MYH8: variants seen among roughly 807,000 people sequenced by gnomAD.
MYH8 encodes the protein myosin-8.
Under a neutral mutation model 233.2 loss-of-function variants are expected in MYH8, and 168 were observed. That is an observed-to-expected ratio of 0.72 (90% confidence interval 0.64 to 0.82). MYH8 has a LOEUF of 0.82. Ranked by LOEUF, MYH8 falls within the 40% of genes least tolerant of loss-of-function variation. The pLI is 0.00. For synonymous variants in MYH8, 785 were observed against 850.6 expected (o/e 0.92, Z 1.34); for missense variants, 1,995 against 2,327.8 (o/e 0.86, Z 2.94).
Position 10,392,551 on chromosome 17 carries a change from G to C in MYH8, c.5559C>G (p.Leu1853=), listed in dbSNP as rs1161030016. The change falls in exon 38 of 40, where the codon CTC becomes CTG. Residue 1853 remains leucine, a synonymous_variant. Transcript: ENST00000403437. ...LRKHERRVKE[L]TYQTEEDRKN... ...AGGCTATTCCCTTTACCTGGTAGGT[G>C]AGTTCTTTTACTCGTCGCTCATGTT... 1 of 1,613,972 alleles carries C rather than the reference G, an allele frequency of 6.2e-7. No individual in the cohort carries two copies. Among genetic ancestry groups the C allele is most frequent in the Non-Finnish European group, 8.5e-7 (1 of 1,179,808 alleles).
rs1446632433 is a variant in MYH8 at position 10,398,429 on chromosome 17, G to A, written c.4178+15C>T. ...TGCTTCTGGGAGTTCCTCTTCTAGA[G>A]TTCACAGCACATACTTGGCCTCCTC... On this transcript the variant is annotated intron_variant, in intron 30 of 39. Coordinates refer to ENST00000403437, the MANE Select transcript of MYH8 (RefSeq NM_002472.3). 6.2e-7 allele frequency: 1 copy of A among 1,613,952 alleles called. No individual in the cohort carries two copies. Among genetic ancestry groups the A allele is most frequent in the Non-Finnish European group, 8.5e-7 (1 of 1,179,874 alleles).
Position 10,406,320 on chromosome 17 carries a change from G to A in MYH8, c.2249C>T (p.Ala750Val), listed in dbSNP as rs765353703. The A allele has an allele frequency of 5.0e-6, 8 of 1,613,620 alleles. No individual in the cohort carries two copies. Among genetic ancestry groups the A allele is most frequent in the Admixed American group, 1.7e-5 (1 of 60,000 alleles). ...TTGAGTATGATCAATATCAATAGAT[G>A]CAAGAAGTTTCTCAGAAGCCTTCTT... ...DSKKASEKLL[A>V]SIDIDHTQYK... The change falls in exon 20 of 40, where the codon GCA becomes GTA. Residue 750 changes from alanine (A) to valine (V), a missense_variant. This residue lies in a region of MYH8 where 1,498 missense variants were observed against 1,680.9 expected (regional missense o/e 0.89). Transcript: ENST00000403437.
At position 10,400,433 on chromosome 17, in the gene MYH8, G is replaced by T; in HGVS notation, c.3692C>A (p.Thr1231Asn). The T allele has an allele frequency of 6.2e-7, 1 of 1,613,988 alleles. No individual in the cohort carries two copies. The highest frequency in any genetic ancestry group is 8.5e-7 in the Non-Finnish European group (1 of 1,180,002). Residue 1231 changes from threonine to asparagine, a missense_variant, in exon 27 of 40, where the codon ACT becomes AAT. Thr to Asn is a moderately conservative substitution (Grantham distance 65, BLOSUM62 0). Transcript: ENST00000403437. This position sits in a 1 kb window ranked among gnomAD's most constrained non-coding sequence, Gnocchi z 4.0. ...EKEKSELKME[T>N]DDLSSNAEAI... ...CTCTGCGTTACTGCTGAGGTCATCA[G>T]TCTCCATCTTCAGCTCACTCTTCTC...
In MYH8 at chr17:10,414,404, T is replaced by C; in HGVS notation, c.886A>G (p.Lys296Glu). 6.2e-7 allele frequency: 1 copy of C among 1,611,752 alleles called. No individual in the cohort carries two copies. Among genetic ancestry groups the C allele is most frequent in the East Asian group, 2.2e-5 (1 of 44,852 alleles). ...TTCTTACCAATTAGATCTGGCTTCT[T>C]ATTGGAAGTGATCTGATAAAAAATA... ...YHIFYQITSN[K>E]KPDLIEMLLI... is the part of the protein sequence containing the mutation. The change falls in exon 10 of 40, where the codon AAG becomes GAG. Residue 296 changes from lysine (K) to glutamate (E), a missense_variant. Transcript: ENST00000403437.
rs778944536 is a variant in MYH8, at chr17:10,394,365, G to A, written c.5050C>T (p.Leu1684=). 3.1e-6 allele frequency: 5 copies of A among 1,614,130 alleles called. No homozygotes were observed. In the South Asian group the frequency reaches 4.4e-5, roughly 14 times the overall value. Residue 1684 remains leucine (L), a synonymous_variant, in exon 35 of 40, where the codon CTG becomes TTG. Transcript: ENST00000403437. ...LAIVERRANL[L]QAEIEELWAT... ...CACAGCTCCTCGATCTCAGCCTGCAGCAGGTTGGCTCTGCGCTCCACAATT... is the reference window on the plus strand; with the variant it reads ...CACAGCTCCTCGATCTCAGCCTGCAACAGGTTGGCTCTGCGCTCCACAATT...
intron 39 of MYH8, among the ~76,000 whole-genome samples, chr17:10,390,881 T>A (rs1401951624): frequency 2.6e-5 from 4 of 152,196 alleles, no homozygotes; most frequent in Non-Finnish European, 5.9e-5. Flanking sequence ...TATGTACACT[T>A]ATAGACATCA....
At position 10,396,406 on chromosome 17, in the gene MYH8, A is replaced by T. The variant is rs772027441; in HGVS notation, c.4577T>A (p.Ile1526Asn). The T allele has an allele frequency of 6.2e-7, 1 of 1,613,962 alleles. No individual in the cohort carries two copies. The highest frequency in any genetic ancestry group is 8.5e-7 in the Non-Finnish European group (1 of 1,179,992). Residue 1526 changes from isoleucine (I) to asparagine (N), a missense_variant, in exon 33 of 40, where the codon ATT (isoleucine) becomes AAT (asparagine). Ile to Asn is a moderately radical substitution (Grantham distance 149). This residue lies in a region of MYH8 where 1,498 missense variants were observed against 1,680.9 expected (regional missense o/e 0.89). Transcript: ENST00000403437. This position sits in a 1 kb window ranked among gnomAD's most constrained non-coding sequence, Gnocchi z 4.2. ...TEQIAEGGKQ[I>N]HELEKIKKQV... The stretch of plus-strand genomic sequence containing the variant: ...CTTCTTTATTTTCTCCAATTCATGA[A>T]TTTGCTTTCCTCCCTCTGCAATCTG...
intron 39 of MYH8, among the ~76,000 whole-genome samples, chr17:10,391,110 G>A (rs904828162): frequency 6.6e-6 from 1 of 152,154 alleles, no homozygotes; most frequent in Admixed American, 6.5e-5. Context: ...TAACCAGGAA[G>A]GGTATAGGTA....
rs2072009463 is a variant in MYH8, at chr17:10,390,416, C to A, written c.*38G>T. On this transcript the variant is annotated 3_prime_UTR_variant, in exon 40 of 40. Transcript: ENST00000403437. ...GTGACCAAAAATAGCACATTTTGTG[C>A]CTTTCTTCAGCCTCTTGATAGCATC... 1.9e-6 allele frequency: 3 copies of A among 1,612,134 alleles called. No homozygotes were observed. The South Asian group carries it at 3.3e-5, about 18-fold the overall frequency.
intron 29 of MYH8, 34 bp from the exon 30 acceptor site, chr17:10,398,674 T>G (rs746353969): frequency 4.3e-6 from 7 of 1,614,054 alleles, no homozygotes; most frequent in Non-Finnish European, 5.9e-6. Context: ...CATAAATTCA[T>G]GTATTCAGTG....
Position 10,393,991 on chromosome 17 carries a change from C to CTTTTT in MYH8, c.5166+253_5166+257dup, listed in dbSNP as rs35512526. Among the ~76,000 whole-genome samples the CTTTTT allele has an allele frequency of 3.1e-3, 110 of 36,006 alleles. 15 individuals are homozygous for CTTTTT. Among genetic ancestry groups the CTTTTT allele is most frequent in the African/African-American group, 8.1e-3 (65 of 8,012 alleles). 23.6% of individuals were successfully genotyped at this position (36,006 alleles called of 152,430 possible). The stretch of plus-strand genomic sequence containing the variant: ...TTATTTTTAAATAAAAAAGTAATAG[C>CTTTTT]TTTTTTTTTTTTTTTTTTTTTTTTT... On this transcript the variant is annotated intron_variant, in intron 35 of 39. Coordinates refer to ENST00000403437, the MANE Select transcript of MYH8 (RefSeq NM_002472.3).
At chr17:10,418,832 T>C (rs772979891) in intron 4 of MYH8, 31 bp from the exon 5 acceptor site, 1 of 1,613,802 alleles carries the variant, frequency 6.2e-7, no homozygotes, top group South Asian at 1.1e-5. Context: ...ATCATTTGGA[T>C]CTCGTTTTTA....
At position 10,406,063 on chromosome 17, in the gene MYH8, A is replaced by G; in HGVS notation, c.2410T>C (p.Tyr804His). The stretch of plus-strand genomic sequence containing the variant: ...TACCTCCTTTGCAACATCTTCTGAT[A>G]TTCTACCCTCATTAGGAATCCCCTA... ...VCRGFLMRVE[Y>H]QKMLQRREAL... The change falls in exon 21 of 40, where the codon TAT becomes CAT. Residue 804 changes from tyrosine to histidine, a missense_variant. By Grantham distance (83) the Tyr-to-His change is moderately conservative. Transcript: ENST00000403437. 6.2e-7 allele frequency: 1 copy of G among 1,614,022 alleles called. No homozygotes were observed. Among genetic ancestry groups the G allele is most frequent in the Non-Finnish European group, 8.5e-7 (1 of 1,179,964 alleles).
chr17:10,399,003 T>TATAC, intron 28 of MYH8, 117 bp from the exon 29 acceptor site: 1 of 282,840 alleles, frequency 3.5e-6, no homozygotes, highest in South Asian at 8.8e-5. Context: ...TGTATATATA[T>TATAC]ATATATATAT....
Position 10,420,252 on chromosome 17 carries a change from T to G in MYH8, c.-25A>C. 6.2e-7 allele frequency: 1 copy of G among 1,611,820 alleles called. No homozygotes were observed. The highest frequency in any genetic ancestry group is 8.5e-7 in the Non-Finnish European group (1 of 1,179,466). On this transcript the variant is annotated 5_prime_UTR_variant, in exon 3 of 40. Coordinates refer to ENST00000403437, the MANE Select transcript of MYH8 (RefSeq NM_002472.3). ...TGGCTGCGATTTATTTAGCAAAGGA[T>G]TCTGCCTAGGGAGGAGAGAAACGGG...
chr17:10,402,634 C>CAG (rs1225931628), intron 22 of MYH8, among the ~76,000 whole-genome samples: 1 of 151,224 alleles, frequency 6.6e-6, no homozygotes, highest in Admixed American at 6.6e-5. Flanking sequence ...TGTGCACGCA[C>CAG]ACACACACAC....
At chr17:10,394,148 T>C in intron 35 of MYH8, 101 bp downstream of exon 35, 1 of 1,459,058 alleles carries the variant, frequency 6.9e-7, no homozygotes, top group Non-Finnish European at 9.5e-7. Context: ...CCCCCATCCA[T>C]GTTTACATAC....
At chr17:10,414,108 A>G in intron 11 of MYH8, 68 bp from the exon 12 acceptor site, 6 of 1,610,104 alleles carry the variant, frequency 3.7e-6, no homozygotes, top group Non-Finnish European at 5.1e-6. Flanking sequence ...ATTTATACAT[A>G]TCCTAAGGTA....
Position 10,406,748 on chromosome 17 carries a change from T to A in MYH8, c.2113A>T (p.Ile705Phe). The A allele has an allele frequency of 6.2e-7, 1 of 1,614,200 alleles. No homozygotes were observed. The highest frequency in any genetic ancestry group is 8.5e-7 in the Non-Finnish European group (1 of 1,180,022). ...GGGAATCCTTTCCTACAGATGCGGA[T>A]GCCTTCCAGCACACCATTACACCTC... Reference protein sequence around the residue: ...QLRCNGVLEGIRICRKGFPSR... With the variant: ...QLRCNGVLEGFRICRKGFPSR... Residue 705 changes from isoleucine (I) to phenylalanine (F), a missense_variant, in exon 19 of 40, where the codon ATC (isoleucine) becomes TTC (phenylalanine). Coordinates refer to ENST00000403437, the MANE Select transcript of MYH8 (RefSeq NM_002472.3).
Sources: gnomAD v4.1 joint callset for allele counts (sites outside exome capture counted in the v4.1 genomes callset) on GRCh38, gnomAD v4.1.1 for gene constraint, gnomAD v4.1.1 regional missense constraint, Gnocchi (gnomAD v3.1) non-coding constraint, MANE v1.5 for transcripts, NCBI Gene and HGNC (gene_info 2026-07-23, HGNC 2026-07-21) for gene names.